Variants in RYR2 observed in about 807,000 individuals in gnomAD.
The protein encoded by RYR2 is cardiac muscle ryanodine receptor-calcium release channel.
RYR2 carries 227 observed loss-of-function variants against 601.1 expected under a neutral mutation model. That is an observed-to-expected ratio of 0.38 (90% confidence interval 0.34 to 0.42). The LOEUF (loss-of-function observed/expected upper bound fraction) is 0.42. Among genes scored for constraint, RYR2 ranks in the 10% least tolerant of loss-of-function variants. RYR2 has a pLI of 1.00. For missense variants in RYR2, 4,646 were observed against 6,156.5 expected, an observed-to-expected ratio of 0.75 and a Z score of 8.21; for synonymous variants, 2,223 against 2,175.1, an observed-to-expected ratio of 1.02 and a Z score of -0.61.
chr1:237,204,705 A>C (rs1026353982), intron 1 of RYR2, among the ~76,000 whole-genome samples: 1 of 152,050 alleles, frequency 6.6e-6, no homozygotes, highest in Non-Finnish European at 1.5e-5. Flanking sequence ...GTCTTTACCT[A>C]CTTACTCTTA....
At chr1:237,376,343 A>T (rs1701032700) in intron 7 of RYR2, among the ~76,000 whole-genome samples, 1 of 152,166 alleles carries the variant, frequency 6.6e-6, no homozygotes, top group South Asian at 2.1e-4. Context: ...ACTCATGCAA[A>T]ATGAATTTGT....
At chr1:237,455,734 A>G (rs1202655622) in intron 15 of RYR2, among the ~76,000 whole-genome samples, 1 of 152,210 alleles carries the variant, frequency 6.6e-6, no homozygotes, top group Non-Finnish European at 1.5e-5. Context: ...CTGGGTATTC[A>G]AAAGAGATGA....
intron 10 of RYR2, among the ~76,000 whole-genome samples, chr1:237,395,505 T>C (rs1021451063): frequency 1.3e-5 from 2 of 149,880 alleles, no homozygotes; most frequent in Non-Finnish European, 3.0e-5. Flanking sequence ...CCAAACTTGA[T>C]TGAGGACACG....
intron 3 of RYR2, among the ~76,000 whole-genome samples, chr1:237,346,339 G>A (rs988780424): frequency 4.9e-5 from 7 of 141,664 alleles, no homozygotes; most frequent in East Asian, 2.3e-4. Context: ...ACTATACTCC[G>A]GCCTGGGCAA....
intron 1 of RYR2, among the ~76,000 whole-genome samples, chr1:237,072,645 T>G (rs1411488261): frequency 6.6e-6 from 1 of 152,204 alleles, no homozygotes; most frequent in Non-Finnish European, 1.5e-5. Context: ...CTTTTAGTGT[T>G]TGCCAGAGCA....
intron 1 of RYR2, among the ~76,000 whole-genome samples, chr1:237,236,307 T>G (rs574575477): frequency 6.6e-6 from 1 of 151,182 alleles, no homozygotes; most frequent in African/African-American, 2.4e-5. Flanking sequence ...TTTCTTGGTT[T>G]GAACTCTTTT....
At chr1:237,563,431 C>G (rs1432418457) in intron 27 of RYR2, among the ~76,000 whole-genome samples, 2 of 142,912 alleles carry the variant, frequency 1.4e-5, no homozygotes, top group African/African-American at 5.1e-5. Flanking sequence ...AAAACACAAA[C>G]AAATAGGAAA....
chr1:237,511,755 G>T lies in RYR2; in HGVS notation c.2786G>T (p.Arg929Leu), dbSNP rs876657988. Residue 929 changes from arginine to leucine, a missense_variant, in exon 24 of 105, where the codon CGC (arginine) becomes CTC (leucine). Arg to Leu is a moderately radical substitution (Grantham distance 102). Coordinates refer to ENST00000366574, the MANE Select transcript of RYR2 (RefSeq NM_001035.3). ...VEFSKLPEQE[R>L]NYNLQMSLET... ...TTCTCCAAGCTGCCTGAACAGGAGC[G>T]CAATTACAACTTACAAATGTCGCTT... 1.9e-6 allele frequency: 3 copies of T among 1,545,154 alleles called. No individual in the cohort carries two copies. Among genetic ancestry groups the T allele is most frequent in the Non-Finnish European group, 2.6e-6 (3 of 1,140,660 alleles).
At chr1:237,208,634 G>A (rs534196408) in intron 1 of RYR2, among the ~76,000 whole-genome samples, 15 of 151,978 alleles carry the variant, frequency 9.9e-5, no homozygotes, top group Admixed American at 5.2e-4. Context: ...TGATATACAC[G>A]TACATTGTGA....
intron 2 of RYR2, among the ~76,000 whole-genome samples, chr1:237,315,894 A>G (rs1695059271): frequency 6.6e-6 from 1 of 152,212 alleles, no homozygotes; most frequent in African/African-American, 2.4e-5. Flanking sequence ...GATACCAGAT[A>G]GGGAGTTTGG....
chr1:237,095,227 C>T (rs1176837537), intron 1 of RYR2, among the ~76,000 whole-genome samples: 1 of 152,184 alleles, frequency 6.6e-6, no homozygotes, highest in African/African-American at 2.4e-5. Context: ...ATTGAATCAA[C>T]TTTGTCTTGG....
chr1:237,180,652 GTGTA>G lies in RYR2; in HGVS notation c.49-89843_49-89840del. 7.2e-6 allele frequency among the ~76,000 whole-genome samples: 1 copy of G among 138,238 alleles called. No homozygotes were observed. The allele number at this position is 138,238 out of a possible 152,430, so 90.7% of individuals were successfully genotyped here. ...TATGTGTATATATGTATATGTATATGTGTATATATGTATACATGTGTATATATGT... is the reference window on the plus strand; with the variant it reads ...TATGTGTATATATGTATATGTATATGTATATGTATACATGTGTATATATGT... On this transcript the variant is annotated intron_variant, in intron 1 of 104. Transcript: ENST00000366574. This position sits in a 1 kb window ranked among gnomAD's most constrained non-coding sequence, Gnocchi z 5.3.
At chr1:237,635,686 A>G (rs925142468) in intron 44 of RYR2, among the ~76,000 whole-genome samples, 13 of 152,098 alleles carry the variant, frequency 8.5e-5, no homozygotes, top group South Asian at 2.1e-4. Context: ...TCCTCCATCC[A>G]GTACTCCCCA....
At chr1:237,449,069 C>A (rs761161189) in intron 14 of RYR2, among the ~76,000 whole-genome samples, 1 of 152,138 alleles carries the variant, frequency 6.6e-6, no homozygotes, top group Non-Finnish European at 1.5e-5. Context: ...ACACACACGC[C>A]ACCACCATCA....
chr1:237,067,663 G>A (rs778806736), intron 1 of RYR2, among the ~76,000 whole-genome samples: 7 of 152,152 alleles, frequency 4.6e-5, no homozygotes, highest in South Asian at 2.1e-4. Flanking sequence ...AAATTTCACC[G>A]GGGTTTCGAT....
intron 1 of RYR2, among the ~76,000 whole-genome samples, chr1:237,149,841 T>C (rs1212781089): frequency 2.6e-5 from 4 of 151,924 alleles, no homozygotes; most frequent in Non-Finnish European, 4.4e-5. Flanking sequence ...TGGGAATTTT[T>C]AGGTGAAGAA....
chr1:237,239,345 A>G (rs1056937113), intron 1 of RYR2, among the ~76,000 whole-genome samples: 2 of 152,058 alleles, frequency 1.3e-5, no homozygotes, highest in Non-Finnish European at 2.9e-5. Flanking sequence ...CTGCAGAGAG[A>G]GGGGCTTCCA....
chr1:237,527,047 A>C (rs183477360), intron 24 of RYR2, among the ~76,000 whole-genome samples: 1 of 152,236 alleles, frequency 6.6e-6, no homozygotes, highest in African/African-American at 2.4e-5. Flanking sequence ...AGCACCATTT[A>C]TTGAAGAGGT....
At chr1:237,813,594 A>C (rs1402450546) in intron 100 of RYR2, among the ~76,000 whole-genome samples, 1 of 152,128 alleles carries the variant, frequency 6.6e-6, no homozygotes, top group Non-Finnish European at 1.5e-5. Context: ...ATGCATTTCC[A>C]TTACTTTTGT....
Sources: gnomAD v4.1 joint callset for allele counts (sites outside exome capture counted in the v4.1 genomes callset) on GRCh38, gnomAD v4.1.1 for gene constraint, Gnocchi (gnomAD v3.1) non-coding constraint, MANE v1.5 for transcripts, NCBI Gene and HGNC (gene_info 2026-07-23, HGNC 2026-07-21) for gene names.